The following DSE variants were observed in gnomAD, a reference collection of about 807,000 sequenced individuals.
The protein encoded by DSE is dermatan sulfate epimerase.
In DSE, 36 loss-of-function variants were observed where a neutral mutation model predicts 84.4. The observed-to-expected ratio is 0.43, with a 90% confidence interval of 0.33 to 0.56. DSE has a LOEUF of 0.56. DSE is among the 20% of genes least tolerant of loss of function. The pLI, the probability that DSE is intolerant of heterozygous loss-of-function variation, is 0.06. For missense variants in DSE, 862 were observed against 1,169.6 expected, an observed-to-expected ratio of 0.74 and a Z score of 3.84; for synonymous variants, 410 against 430.1, an observed-to-expected ratio of 0.95 and a Z score of 0.58.
chr6:116,321,337 A>ATTT lies in DSE; in HGVS notation c.-54+62383_-54+62385dup, dbSNP rs66863151. Among the ~76,000 whole-genome samples the ATTT allele has an allele frequency of 1.9e-3, 223 of 115,530 alleles. 4 individuals carry two copies. The highest frequency in any genetic ancestry group is 9.3e-3 in the Middle Eastern group (2 of 214). The allele number at this position is 115,530 out of a possible 152,430, so 75.8% of individuals were successfully genotyped here. On this transcript the variant is annotated intron_variant, in intron 2 of 3. Transcript: ENST00000430252. ...TGCCACCATGTGTAGCTAATTTTTC[A>ATTT]TTTTTTTTTTTTTTTGGTAGGGATG... is the stretch of plus-strand genomic sequence containing the variant.
In DSE at chr6:116,399,442, C is replaced by T. The variant is rs143520218; in HGVS notation, c.192C>T (p.His64=). The T allele has an allele frequency of 6.4e-5, 103 of 1,614,100 alleles. No individual in the cohort carries two copies. Among genetic ancestry groups the T allele is most frequent in the Non-Finnish European group, 7.7e-5 (91 of 1,180,052 alleles). Residue 64 remains histidine, a synonymous_variant, in exon 2 of 6, where the codon CAC becomes CAT. Coordinates refer to ENST00000644252, the MANE Select transcript of DSE (RefSeq NM_013352.4). ...TGCAGCTCAGGGCTGCCAGCTCGCA[C>T]GAGCACATTGCAGCCCGCCTCACGG... ...AELQLRAASS[H]EHIAARLTEA...
intron 2 of DSE, among the ~76,000 whole-genome samples, chr6:116,269,030 G>GAAA (rs538309017): frequency 3.8e-4 from 50 of 132,262 alleles, no homozygotes; most frequent in African/African-American, 1.3e-3. Context: ...AAAAAAAAAA[G>GAAA]AAAAAAAAAA....
At chr6:116,387,079 G>T (rs192143205) in intron 1 of DSE, among the ~76,000 whole-genome samples, 1 of 152,126 alleles carries the variant, frequency 6.6e-6, no homozygotes, top group Non-Finnish European at 1.5e-5. Context: ...TTTGTGGGGC[G>T]CTTCCCCTGA....
At position 116,436,063 on chromosome 6, in the gene DSE, A is replaced by G; in HGVS notation, c.1595A>G (p.Asn532Ser). 1 of 1,613,946 alleles carries G rather than the reference A, an allele frequency of 6.2e-7. No individual in the cohort carries two copies. Among genetic ancestry groups the G allele is most frequent in the East Asian group, 2.2e-5 (1 of 44,880 alleles). Residue 532 changes from asparagine to serine, a missense_variant, in exon 6 of 6, where the codon AAT becomes AGT. Asn to Ser is a conservative substitution (Grantham distance 46, BLOSUM62 1). Transcript: ENST00000644252. ...QGRVVAAEEK[N>S]GVVFIRGEGV... Reference sequence around the variant, plus strand: ...AGGGTGGTTGCAGCAGAGGAGAAAAATGGGGTGGTTTTCATCCGAGGAGAA... The same window carrying G: ...AGGGTGGTTGCAGCAGAGGAGAAAAGTGGGGTGGTTTTCATCCGAGGAGAA...
chr6:116,302,487 G>GT (rs1351865802), intron 2 of DSE, among the ~76,000 whole-genome samples: 1 of 151,886 alleles, frequency 6.6e-6, no homozygotes, highest in Non-Finnish European at 1.5e-5. Flanking sequence ...GGGGTTGTTT[G>GT]TTTTTTTCTT....
At position 116,433,407 on chromosome 6, in the gene DSE, A is replaced by G. The variant is rs1476434303; in HGVS notation, c.975A>G (p.Gln325=). The change falls in exon 5 of 6, where the codon CAA becomes CAG. Residue 325 remains glutamine, a synonymous_variant. Coordinates refer to ENST00000644252, the MANE Select transcript of DSE (RefSeq NM_013352.4). ...ACTGGTTTTATGGTCCAGAAAGCCAATTAGTGTTCCTTGATAAATTTGTCA... is the reference window on the plus strand; with the variant it reads ...ACTGGTTTTATGGTCCAGAAAGCCAGTTAGTGTTCCTTGATAAATTTGTCA... ...NYNWFYGPES[Q]LVFLDKFVMR... is the part of the protein sequence containing the mutation. The G allele has an allele frequency of 8.4e-6, 13 of 1,551,610 alleles. No homozygotes were observed. Among genetic ancestry groups the G allele is most frequent in the African/African-American group, 2.7e-5 (2 of 73,058 alleles).
intron 2 of DSE, among the ~76,000 whole-genome samples, chr6:116,296,009 T>C (rs923738309): frequency 6.6e-6 from 1 of 152,226 alleles, no homozygotes; most frequent in Non-Finnish European, 1.5e-5. Context: ...AACCTATTTT[T>C]TCATTAAATA....
chr6:116,275,296 T>C (rs758899726), intron 2 of DSE, among the ~76,000 whole-genome samples: 36 of 152,244 alleles, frequency 2.4e-4, no homozygotes, highest in Non-Finnish European at 4.6e-4. Context: ...AGTGCTCTGT[T>C]AAAATGCAAG....
intron 1 of DSE, among the ~76,000 whole-genome samples, chr6:116,379,786 C>T (rs557823745): frequency 2.0e-5 from 3 of 152,156 alleles, no homozygotes; most frequent in Non-Finnish European, 4.4e-5. Context: ...ATTTGAATGT[C>T]TGCTGTGGTA....
intron 2 of DSE, among the ~76,000 whole-genome samples, chr6:116,355,990 G>T (rs909900313): frequency 2.6e-5 from 4 of 152,210 alleles, no homozygotes; most frequent in African/African-American, 7.2e-5. Context: ...CTATCTGGAG[G>T]ATCCCTGAAG....
chr6:116,370,017 T>C, upstream of DSE: 1 of 1,182,008 alleles, frequency 8.5e-7, no homozygotes, highest in South Asian at 1.3e-5. Context: ...GGGCAAAGTA[T>C]TCCTGAGGTG....
chr6:116,328,716 A>C (rs1776773660), intron 2 of DSE, among the ~76,000 whole-genome samples: 1 of 152,208 alleles, frequency 6.6e-6, no homozygotes, highest in African/African-American at 2.4e-5. Flanking sequence ...TCAACAAACC[A>C]CTTTATTCTT....
chr6:116,395,412 G>T (rs745753463), intron 1 of DSE, among the ~76,000 whole-genome samples: 2 of 149,720 alleles, frequency 1.3e-5, no homozygotes, highest in Admixed American at 1.3e-4. Context: ...GCGACAGAGC[G>T]AGACTCCGTC....
chr6:116,425,589 TC>T (rs1783377006), intron 2 of DSE, among the ~76,000 whole-genome samples: 1 of 150,064 alleles, frequency 6.7e-6, no homozygotes, highest in South Asian at 2.1e-4. Flanking sequence ...ACAATGTAAT[TC>T]TTTTTTTTAT....
chr6:116,430,750 C>T (rs538797652), intron 3 of DSE, among the ~76,000 whole-genome samples: 1 of 149,412 alleles, frequency 6.7e-6, no homozygotes, highest in Admixed American at 6.7e-5. Context: ...ACCATATTAG[C>T]CAGGAAGAAC....
intron 2 of DSE, chr6:116,423,292 G>A (rs1783211530): frequency 6.6e-6 from 1 of 152,206 alleles, no homozygotes; most frequent in Non-Finnish European, 1.5e-5. Flanking sequence ...AAAAATTGCT[G>A]TCATGATATA....
chr6:116,283,299 T>G (rs1773656767), intron 2 of DSE, among the ~76,000 whole-genome samples: 1 of 152,226 alleles, frequency 6.6e-6, no homozygotes, highest in Non-Finnish European at 1.5e-5. Context: ...CTTTCCTAAG[T>G]AGCCTATGGC....
At chr6:116,392,622 C>A (rs1157618544) in intron 1 of DSE, among the ~76,000 whole-genome samples, 4 of 152,144 alleles carry the variant, frequency 2.6e-5, no homozygotes, top group Non-Finnish European at 4.4e-5. Flanking sequence ...ATGATACCCC[C>A]AAGGACATCT....
At chr6:116,314,477 A>G (rs1775859176) in intron 2 of DSE, among the ~76,000 whole-genome samples, 1 of 152,168 alleles carries the variant, frequency 6.6e-6, no homozygotes, top group Non-Finnish European at 1.5e-5. Flanking sequence ...ATCTCATAGG[A>G]CTTTGGCTCA....
Sources: gnomAD v4.1 joint callset for allele counts (sites outside exome capture counted in the v4.1 genomes callset) on GRCh38, gnomAD v4.1.1 for gene constraint, MANE v1.5 for transcripts, NCBI Gene and HGNC (gene_info 2026-07-23, HGNC 2026-07-21) for gene names.